SLC1A1: variants seen among roughly 807,000 people sequenced by gnomAD.
SLC1A1 encodes solute carrier family 1 member 1, also known as excitatory amino acid transporter 3.
A neutral mutation model predicts 53.3 loss-of-function variants in SLC1A1; 43 were observed. The ratio of observed to expected loss-of-function variants is 0.81; its 90% CI spans 0.63 to 1.04. The LOEUF (loss-of-function observed/expected upper bound fraction) is 1.04. Ranked by LOEUF, SLC1A1 falls within the 50% of genes least tolerant of loss-of-function variation. The probability of loss-of-function intolerance (pLI) is 0.00; values close to 1 mark genes in which losing one functional copy is unlikely to be tolerated. For missense variants in SLC1A1, 748 were observed against 664.9 expected (o/e 1.12, Z -1.37); for synonymous variants, 307 against 243.2 (o/e 1.26, Z -2.44).
In SLC1A1 at chr9:4,581,890, T is replaced by A. The variant is rs114019065; in HGVS notation, c.1194-1148T>A. Among the ~76,000 whole-genome samples the A allele has an allele frequency of 3.3e-3, 498 of 152,344 alleles. 1 individual carries two copies. The highest frequency in any genetic ancestry group is 0.012 in the African/African-American group (479 of 41,574). Reference sequence around the variant, plus strand: ...TTTCTGCAACACCTCAGTAGGCAGATGAATGGGCAGTAGAATCAGCTTCCT... The same window carrying A: ...TTTCTGCAACACCTCAGTAGGCAGAAGAATGGGCAGTAGAATCAGCTTCCT... On this transcript the variant is annotated intron_variant, in intron 10 of 11. Coordinates refer to ENST00000262352, the MANE Select transcript of SLC1A1 (RefSeq NM_004170.6).
At position 4,544,566 on chromosome 9, in the gene SLC1A1, G is replaced by C. The variant is rs1817297157; in HGVS notation, c.92-1G>C. The C allele has an allele frequency of 6.2e-7, 1 of 1,613,292 alleles. No homozygotes were observed. Among genetic ancestry groups the C allele is most frequent in the East Asian group, 2.2e-5 (1 of 44,858 alleles). On this transcript the variant is annotated splice_acceptor_variant, in intron 1 of 11. Coordinates refer to ENST00000262352, the MANE Select transcript of SLC1A1 (RefSeq NM_004170.6). LOFTEE classifies it high-confidence loss of function. Reference sequence around the variant, plus strand: ...TTCTTTCCAACTCTTGTTTTCCTTAGGCATTACCACAGGAGTCTTGGTTCG... The same window carrying C: ...TTCTTTCCAACTCTTGTTTTCCTTACGCATTACCACAGGAGTCTTGGTTCG...
At chr9:4,521,305 A>G (rs979197537) in intron 1 of SLC1A1, among the ~76,000 whole-genome samples, 37 of 152,168 alleles carry the variant, frequency 2.4e-4, no homozygotes, top group African/African-American at 7.7e-4. Context: ...CTATTTACCC[A>G]TAAGTATTTG....
At chr9:4,576,804 G>C (rs1820587528) in intron 10 of SLC1A1, 41 bp downstream of exon 10, 1 of 1,546,856 alleles carries the variant, frequency 6.5e-7, no homozygotes, top group African/African-American at 1.4e-5. Context: ...ACTGATACAG[G>C]GATTACCGCC....
intron 1 of SLC1A1, among the ~76,000 whole-genome samples, chr9:4,541,350 G>C (rs1013819891): frequency 6.6e-6 from 1 of 152,222 alleles, no homozygotes; most frequent in African/African-American, 2.4e-5. Context: ...AAGAAGTTTA[G>C]TAGGATTATA....
At chr9:4,551,787 C>T (rs1280002162) in intron 2 of SLC1A1, among the ~76,000 whole-genome samples, 1 of 152,166 alleles carries the variant, frequency 6.6e-6, no homozygotes, top group Non-Finnish European at 1.5e-5. Context: ...TCTTCATGCA[C>T]TTTAAGTGCT....
chr9:4,568,835 G>C (rs961274363), intron 6 of SLC1A1, among the ~76,000 whole-genome samples: 5 of 152,274 alleles, frequency 3.3e-5, no homozygotes, highest in Admixed American at 6.5e-5. Flanking sequence ...ATGAGTTATA[G>C]TGCTGTTGGC....
chr9:4,490,614 G>A lies in SLC1A1; in HGVS notation c.-66G>A. On this transcript the variant is annotated 5_prime_UTR_variant, in exon 1 of 12. Coordinates refer to ENST00000262352, the MANE Select transcript of SLC1A1 (RefSeq NM_004170.6). ...ATCTCGCCGCGCCGCCGAGCAGCCA[G>A]CAGTCCCCGGGTCGCCCAGCCCACG... The A allele has an allele frequency of 7.6e-7, 1 of 1,322,906 alleles. No individual in the cohort carries two copies. Among genetic ancestry groups the A allele is most frequent in the Non-Finnish European group, 1.1e-6 (1 of 928,874 alleles). The allele number at this position is 1,322,906 out of a possible 1,614,324, so 81.9% of individuals were successfully genotyped here.
At chr9:4,571,343 A>G (rs1407268536) in intron 6 of SLC1A1, among the ~76,000 whole-genome samples, 3 of 152,118 alleles carry the variant, frequency 2.0e-5, no homozygotes, top group Non-Finnish European at 4.4e-5. Context: ...CACCCTGTAC[A>G]TCCTGCACCA....
At chr9:4,509,782 G>A (rs900265884) in intron 1 of SLC1A1, among the ~76,000 whole-genome samples, 5 of 152,054 alleles carry the variant, frequency 3.3e-5, no homozygotes, top group Non-Finnish European at 5.9e-5. Context: ...AGGTTTTCTC[G>A]GGACATCAAG....
At chr9:4,580,603 G>A (rs868196287) in intron 10 of SLC1A1, among the ~76,000 whole-genome samples, 17 of 68,010 alleles carry the variant, frequency 2.5e-4, no homozygotes, top group African/African-American at 3.4e-4. Flanking sequence ...AAATATATAT[G>A]TGTGTGTGTG....
At chr9:4,514,263 G>A (rs1282241833) in intron 1 of SLC1A1, among the ~76,000 whole-genome samples, 1 of 152,170 alleles carries the variant, frequency 6.6e-6, no homozygotes, top group Non-Finnish European at 1.5e-5. Context: ...GCAAGAGAGG[G>A]TCTGTGTTTA....
rs536227804 is a variant in SLC1A1 at position 4,580,024 on chromosome 9, A to G, written c.1194-3014A>G. On this transcript the variant is annotated intron_variant, in intron 10 of 11. Coordinates refer to ENST00000262352, the MANE Select transcript of SLC1A1 (RefSeq NM_004170.6). ...TCACTTGAGTCCAGGAGTTCGAGAC[A>G]AGCCTGGGCAAAATGGCAAAACCCC... Among the ~76,000 whole-genome samples the G allele has an allele frequency of 2.4e-3, 358 of 152,224 alleles. 4 individuals carry two copies. The highest frequency in any genetic ancestry group is 8.4e-3 in the African/African-American group (347 of 41,548).
rs892104502 is a variant in SLC1A1 at position 4,561,595 on chromosome 9, C to T, written c.325+54C>T. ...TTTATGTAATGGTGATTTTTTCATT[C>T]GAAAAGTAGTTGGTGGCCAGATGCG... On this transcript the variant is annotated intron_variant, in intron 3 of 11. Transcript: ENST00000262352. The T allele has an allele frequency of 6.1e-6, 7 of 1,155,070 alleles. No homozygotes were observed. The African/African-American group carries it at 6.1e-5, about 10-fold the overall frequency. The allele number at this position is 1,155,070 out of a possible 1,614,324, so 71.6% of individuals were successfully genotyped here. A position where few individuals can be genotyped will look rare whatever the true frequency, so the allele number is the denominator to read the frequency against.
intron 1 of SLC1A1, among the ~76,000 whole-genome samples, chr9:4,498,145 G>T (rs1820503786): frequency 1.3e-5 from 2 of 152,246 alleles, no homozygotes; most frequent in South Asian, 4.1e-4. Context: ...TCAGTTCATT[G>T]CTGGGAGCCA....
At chr9:4,491,022 T>C (rs754139226) in intron 1 of SLC1A1, among the ~76,000 whole-genome samples, 1 of 152,184 alleles carries the variant, frequency 6.6e-6, no homozygotes. Context: ...CTACCCAAAA[T>C]GATCAAAGGG....
chr9:4,584,753 T>G (rs1460565123), intron 11 of SLC1A1, among the ~76,000 whole-genome samples: 1 of 152,212 alleles, frequency 6.6e-6, no homozygotes. Context: ...AATCCATTCC[T>G]GGGCTGACCT....
intron 1 of SLC1A1, among the ~76,000 whole-genome samples, chr9:4,515,046 T>C (rs1230213994): frequency 6.6e-6 from 1 of 151,688 alleles, no homozygotes; most frequent in Non-Finnish European, 1.5e-5. Context: ...TCTCTCTCTC[T>C]CCCCCAACCC....
intron 10 of SLC1A1, 108 bp downstream of exon 10, chr9:4,576,871 T>G (rs1336361249): frequency 2.9e-6 from 3 of 1,036,226 alleles, no homozygotes; most frequent in Non-Finnish European, 4.5e-6. Context: ...ATTCTTTTTC[T>G]TGATCTATAA....
chr9:4,500,416 T>A (rs1260493201), intron 1 of SLC1A1, among the ~76,000 whole-genome samples: 4 of 152,210 alleles, frequency 2.6e-5, no homozygotes, highest in Non-Finnish European at 5.9e-5. Context: ...CAAACAATTC[T>A]CCTGCCTCAG....
Sources: gnomAD v4.1 joint callset for allele counts (sites outside exome capture counted in the v4.1 genomes callset) on GRCh38, gnomAD v4.1.1 for gene constraint, MANE v1.5 for transcripts, NCBI Gene and HGNC (gene_info 2026-07-23, HGNC 2026-07-21) for gene names.